The following CAB39L variants were observed in gnomAD, a reference collection of about 807,000 sequenced individuals.
CAB39L encodes the protein calcium-binding protein 39-like.
In CAB39L, 23 loss-of-function variants were observed where a neutral mutation model predicts 39.1. That is an observed-to-expected ratio of 0.59 (90% CI 0.42 to 0.83). CAB39L has a LOEUF of 0.83. CAB39L is among the 40% of genes least tolerant of loss of function. The probability of loss-of-function intolerance (pLI) is 0.00; values close to 1 mark genes in which losing one functional copy is unlikely to be tolerated. For synonymous variants in CAB39L, 126 were observed against 137.2 expected, an observed-to-expected ratio of 0.92 and a Z score of 0.57; for missense variants, 366 against 391.9, an observed-to-expected ratio of 0.93 and a Z score of 0.56.
chr13:49,358,894 A>T (rs1955556300), intron 6 of CAB39L, among the ~76,000 whole-genome samples: 1 of 152,132 alleles, frequency 6.6e-6, no homozygotes, highest in South Asian at 2.1e-4. Context: ...AAAAGAGACA[A>T]AGAACTGCTA....
chr13:49,424,017 T>TA lies in CAB39L; in HGVS notation c.-32+9300dup, dbSNP rs374593255. ...CTCTAAAAATAGAATAACAAGTCCATACTGACATAAGCTATTGAATAATAA... is the reference window on the plus strand; with the variant it reads ...CTCTAAAAATAGAATAACAAGTCCATAACTGACATAAGCTATTGAATAATAA... On this transcript the variant is annotated intron_variant, in intron 3 of 10. Coordinates refer to ENST00000409308, the MANE Select transcript of CAB39L (RefSeq NM_001079670.3). Among the ~76,000 whole-genome samples the TA allele has an allele frequency of 8.1e-3, 1,236 of 152,294 alleles. 20 individuals are homozygous for TA. The highest frequency in any genetic ancestry group is 0.027 in the African/African-American group (1,117 of 41,570).
rs191202814 is a variant in CAB39L at position 49,323,503 on chromosome 13, T to C, written c.834+8444A>G. ...CAGCTCCATCGGAAGGTCTGGCGAA[T>C]GTGATGAGCACACACGCTGCTGACC... On this transcript the variant is annotated intron_variant, in intron 10 of 10. Coordinates refer to ENST00000409308, the MANE Select transcript of CAB39L (RefSeq NM_001079670.3). 4.1e-3 allele frequency among the ~76,000 whole-genome samples: 629 copies of C among 152,350 alleles called. 8 individuals are homozygous for C. The highest frequency in any genetic ancestry group is 0.014 in the African/African-American group (592 of 41,594).
chr13:49,392,482 C>CA lies in CAB39L; in HGVS notation c.-31-9542dup, dbSNP rs530887078. ...TGAAACCCCATCTCTACTAAAAATA[C>CA]AAAAAAAAATTAGCTGGGCATGGTG... On this transcript the variant is annotated intron_variant, in intron 3 of 10. Coordinates refer to ENST00000409308, the MANE Select transcript of CAB39L (RefSeq NM_001079670.3). Among the ~76,000 whole-genome samples the CA allele has an allele frequency of 2.0e-3, 301 of 150,494 alleles. 9 individuals carry two copies. In the South Asian group the frequency reaches 0.048, roughly 24 times the overall value.
chr13:49,346,489 A>G (rs1955181904), intron 7 of CAB39L, among the ~76,000 whole-genome samples: 1 of 152,082 alleles, frequency 6.6e-6, no homozygotes, highest in Admixed American at 6.6e-5. Context: ...CTACCTCCTA[A>G]CAATTCTGTT....
At chr13:49,312,540 T>C (rs1020920211) in intron 10 of CAB39L, among the ~76,000 whole-genome samples, 1 of 152,200 alleles carries the variant, frequency 6.6e-6, no homozygotes, top group Non-Finnish European at 1.5e-5. Flanking sequence ...GCCCACACTA[T>C]ATAGCCTAGG....
At position 49,377,412 on chromosome 13, in the gene CAB39L, C is replaced by T. The variant is rs1336465126; in HGVS notation, c.112-281G>A. Reference sequence around the variant, plus strand: ...GGCTCTCCCTCTCCCTCTCCCTCTCCCTCTGTCTCCCTCTCCCCACGGTCT... The same window carrying T: ...GGCTCTCCCTCTCCCTCTCCCTCTCTCTCTGTCTCCCTCTCCCCACGGTCT... On this transcript the variant is annotated intron_variant, in intron 4 of 10. Coordinates refer to ENST00000409308, the MANE Select transcript of CAB39L (RefSeq NM_001079670.3). Among the ~76,000 whole-genome samples, 2 of 96,216 alleles carry T rather than the reference C, an allele frequency of 2.1e-5. 1 individual carries two copies. Among genetic ancestry groups the T allele is most frequent in the African/African-American group, 1.1e-4 (2 of 17,454 alleles). The allele number at this position is 96,216 out of a possible 152,430, so 63.1% of individuals were successfully genotyped here.
intron 5 of CAB39L, among the ~76,000 whole-genome samples, chr13:49,364,498 A>G (rs1216457710): frequency 1.3e-5 from 2 of 152,214 alleles, no homozygotes; most frequent in Non-Finnish European, 2.9e-5. Context: ...GAAGAAGTCA[A>G]ATTATCCTTG....
At chr13:49,358,824 T>G (rs1955553896) in intron 6 of CAB39L, among the ~76,000 whole-genome samples, 1 of 151,934 alleles carries the variant, frequency 6.6e-6, no homozygotes, top group Non-Finnish European at 1.5e-5. Context: ...CGCATCACTG[T>G]ACTCCAGCCT....
In CAB39L at chr13:49,336,794, G is replaced by A. The variant is rs914083490; in HGVS notation, c.690+2883C>T. ...CCTTGTGGAGCCCTACAAATAACGA[G>A]TTCTGTTCTTTACGTATGCAGCTGT... On this transcript the variant is annotated intron_variant, in intron 9 of 10. Transcript: ENST00000409308. 2.6e-5 allele frequency among the ~76,000 whole-genome samples: 4 copies of A among 152,164 alleles called. 1 individual carries two copies. The highest frequency in any genetic ancestry group is 2.1e-4 in the South Asian group (1 of 4,832).
At chr13:49,343,598 A>C (rs1282789671) in intron 8 of CAB39L, among the ~76,000 whole-genome samples, 2 of 90,024 alleles carry the variant, frequency 2.2e-5, no homozygotes, top group African/African-American at 7.6e-5. Flanking sequence ...AGAGAAGGGG[A>C]GAGGAGGGAG....
At chr13:49,317,523 C>T (rs548073592) in intron 10 of CAB39L, among the ~76,000 whole-genome samples, 35 of 152,218 alleles carry the variant, frequency 2.3e-4, no homozygotes, top group African/African-American at 3.9e-4. Flanking sequence ...GAGTGAGATG[C>T]TGTCTCAAAA....
chr13:49,416,930 G>T (rs1403533082), intron 3 of CAB39L, among the ~76,000 whole-genome samples: 1 of 152,158 alleles, frequency 6.6e-6, no homozygotes, highest in Non-Finnish European at 1.5e-5. Flanking sequence ...CTTGTTAGAA[G>T]CAGAAAAAGA....
intron 10 of CAB39L, among the ~76,000 whole-genome samples, chr13:49,320,531 C>T (rs1315006878): frequency 6.6e-6 from 1 of 152,218 alleles, no homozygotes; most frequent in African/African-American, 2.4e-5. Flanking sequence ...AAAATATCTA[C>T]ATCTTACACA....
At chr13:49,387,791 C>T (rs1182119239) in intron 3 of CAB39L, among the ~76,000 whole-genome samples, 1 of 152,126 alleles carries the variant, frequency 6.6e-6, no homozygotes, top group East Asian at 1.9e-4. Flanking sequence ...AGGTAAAAGA[C>T]TGAAAATACA....
At chr13:49,421,191 C>G (rs1957166798) in intron 3 of CAB39L, among the ~76,000 whole-genome samples, 1 of 152,160 alleles carries the variant, frequency 6.6e-6, no homozygotes, top group Non-Finnish European at 1.5e-5. Context: ...GAAACTGCCT[C>G]CCCTCTCTGC....
chr13:49,323,243 A>T (rs891703268), intron 10 of CAB39L, among the ~76,000 whole-genome samples: 5 of 152,198 alleles, frequency 3.3e-5, no homozygotes, highest in African/African-American at 9.6e-5. Context: ...GTGAAATCTG[A>T]CTCGAGTTGA....
chr13:49,412,666 A>G (rs1025982335), intron 3 of CAB39L, among the ~76,000 whole-genome samples: 14 of 152,156 alleles, frequency 9.2e-5, no homozygotes, highest in African/African-American at 3.4e-4. Flanking sequence ...TTTTCGCACC[A>G]GAGGATGGTT....
chr13:49,365,851 T>A (rs1955756169), intron 5 of CAB39L, among the ~76,000 whole-genome samples: 1 of 152,224 alleles, frequency 6.6e-6, no homozygotes, highest in African/African-American at 2.4e-5. Flanking sequence ...CACTCCCATA[T>A]ATGTTGCAGT....
chr13:49,321,871 G>T (rs1299078838), intron 10 of CAB39L, among the ~76,000 whole-genome samples: 2 of 152,116 alleles, frequency 1.3e-5, no homozygotes, highest in Non-Finnish European at 2.9e-5. Flanking sequence ...TAGAGTAACA[G>T]AACACGTTGA....
Sources: gnomAD v4.1 joint callset for allele counts (sites outside exome capture counted in the v4.1 genomes callset) on GRCh38, gnomAD v4.1.1 for gene constraint, MANE v1.5 for transcripts, NCBI Gene and HGNC (gene_info 2026-07-23, HGNC 2026-07-21) for gene names.